Variants in NUP155 observed in about 807,000 individuals in gnomAD.
NUP155 encodes the protein nuclear pore complex protein Nup155.
NUP155 carries 71 observed loss-of-function variants against 180.4 expected under a neutral mutation model. The ratio of observed to expected loss-of-function variants is 0.39; its 90% CI spans 0.33 to 0.48. The LOEUF (loss-of-function observed/expected upper bound fraction) is 0.48. NUP155 is among the 20% of genes least tolerant of loss of function. The pLI, the probability that NUP155 is intolerant of heterozygous loss-of-function variation, is 0.91. For missense variants in NUP155, 1,553 were observed against 1,648.9 expected (o/e 0.94, Z 1.01); for synonymous variants, 582 against 559.5 (o/e 1.04, Z -0.57).
chr5:37,339,759 TTTTTTG>T (rs1554129942), intron 11 of NUP155, among the ~76,000 whole-genome samples: 39 of 152,250 alleles, frequency 2.6e-4, no homozygotes, highest in Non-Finnish European at 4.3e-4. Flanking sequence ...TTTTTGTGTG[TTTTTTG>T]TTTTTGTTTT....
intron 21 of NUP155, among the ~76,000 whole-genome samples, chr5:37,317,499 A>G (rs1743968379): frequency 6.6e-6 from 1 of 152,094 alleles, no homozygotes; most frequent in Non-Finnish European, 1.5e-5. Context: ...AGAAACATAA[A>G]CAAATAAAAA....
chr5:37,327,706 C>T lies in NUP155; in HGVS notation c.1947G>A (p.Met649Ile). 6.2e-7 allele frequency: 1 copy of T among 1,614,118 alleles called. No homozygotes were observed. Among genetic ancestry groups the T allele is most frequent in the Non-Finnish European group, 8.5e-7 (1 of 1,180,002 alleles). The change falls in exon 18 of 35, where the codon ATG becomes ATA. Residue 649 changes from methionine to isoleucine, a missense_variant. Transcript: ENST00000231498. ...CAATCTCTGGTCCAGTCACACAACT[C>T]ATATTTGTGGCCTGAGTTGCTGGGT... ...LGNPATQATN[M>I]SCVTGPEIVY...
intron 30 of NUP155, among the ~76,000 whole-genome samples, chr5:37,300,462 G>C (rs976534462): frequency 6.6e-6 from 1 of 151,584 alleles, no homozygotes; most frequent in East Asian, 2.0e-4. Flanking sequence ...ATAAACAATG[G>C]GTTGAAGAAT....
intron 1 of NUP155, among the ~76,000 whole-genome samples, chr5:37,365,469 A>T (rs1169119849): frequency 6.6e-6 from 1 of 151,706 alleles, no homozygotes; most frequent in Admixed American, 6.6e-5. Context: ...GCACTTTGGG[A>T]GGCAGAGGCA....
chr5:37,346,692 G>C (rs1401825211), intron 9 of NUP155, among the ~76,000 whole-genome samples: 2 of 151,860 alleles, frequency 1.3e-5, no homozygotes, highest in East Asian at 1.9e-4. Flanking sequence ...AAAAAAGAGA[G>C]AGAGAGCGTT....
At chr5:37,305,690 C>T (rs1488308873) in intron 25 of NUP155, among the ~76,000 whole-genome samples, 1 of 151,510 alleles carries the variant, frequency 6.6e-6, no homozygotes, top group Non-Finnish European at 1.5e-5. Flanking sequence ...AAAAAACAAA[C>T]GAACAAAAAA....
chr5:37,363,778 G>A, intron 3 of NUP155, 110 bp downstream of exon 3: 1 of 753,616 alleles, frequency 1.3e-6, no homozygotes, highest in South Asian at 1.4e-5. Context: ...CTGACCCAAA[G>A]GCTAGATGAA....
chr5:37,309,063 T>G, intron 24 of NUP155, 66 bp downstream of exon 24: 1 of 1,540,922 alleles, frequency 6.5e-7, no homozygotes, highest in Non-Finnish European at 8.9e-7. Context: ...TTAGCTTGCT[T>G]CATTCATACA....
intron 12 of NUP155, among the ~76,000 whole-genome samples, chr5:37,336,985 C>G (rs2150972309): frequency 6.6e-6 from 1 of 152,272 alleles, no homozygotes; most frequent in South Asian, 2.1e-4. Flanking sequence ...CATTCACACC[C>G]CACTAGGGGC....
rs1440820684 is a variant in NUP155, at chr5:37,352,847, CAG to C, written c.464-20_464-19del. On this transcript the variant is annotated intron_variant, in intron 4 of 34. Transcript: ENST00000231498. ...AAAGATGCCTAAGATAAAGTAGACA[CAG>C]GGCAGGAATACTTTCAGCATTTAAG... 6.4e-7 allele frequency: 1 copy of C among 1,563,734 alleles called. No homozygotes were observed. Among genetic ancestry groups the C allele is most frequent in the Admixed American group, 1.7e-5 (1 of 59,874 alleles).
intron 20 of NUP155, among the ~76,000 whole-genome samples, chr5:37,318,696 T>C (rs1744060761): frequency 6.6e-6 from 1 of 152,116 alleles, no homozygotes; most frequent in South Asian, 2.1e-4. Context: ...GGATATTCAA[T>C]GTGTATCACA....
intron 33 of NUP155, among the ~76,000 whole-genome samples, chr5:37,293,483 T>C (rs1742341381): frequency 6.6e-6 from 1 of 152,216 alleles, no homozygotes; most frequent in African/African-American, 2.4e-5. Context: ...AGTTACCTGC[T>C]CATTTCCATC....
At chr5:37,360,777 TA>T (rs376022953) in intron 3 of NUP155, among the ~76,000 whole-genome samples, 6,731 of 102,010 alleles carry the variant, frequency 0.066, 180 homozygotes, top group South Asian at 0.11. Context: ...CGGAATGAGA[TA>T]AAAAAAAAGG....
chr5:37,323,021 G>A (rs532162713), intron 20 of NUP155, among the ~76,000 whole-genome samples: 3 of 151,612 alleles, frequency 2.0e-5, no homozygotes, highest in Non-Finnish European at 4.4e-5. Context: ...GGTGGCTCAC[G>A]CCTGTAATCC....
At chr5:37,344,474 T>C (rs2150979876) in intron 9 of NUP155, among the ~76,000 whole-genome samples, 1 of 150,726 alleles carries the variant, frequency 6.6e-6, no homozygotes, top group South Asian at 2.1e-4. Context: ...TATCCTGCCC[T>C]TCCTTCCAAA....
intron 8 of NUP155, 67 bp downstream of exon 8, chr5:37,349,105 G>C (rs550392853): frequency 2.5e-6 from 1 of 403,338 alleles, no homozygotes; most frequent in East Asian, 4.6e-5. Context: ...TTTAAGAGGT[G>C]GGAATTGTCT....
intron 6 of NUP155, 117 bp from the exon 7 acceptor site, chr5:37,350,382 C>G (rs1450882508): frequency 2.9e-6 from 2 of 692,490 alleles, no homozygotes; most frequent in Non-Finnish European, 5.1e-6. Flanking sequence ...GTTATAATCA[C>G]TAATACCAGT....
Position 37,324,103 on chromosome 5 carries a change from T to G in NUP155, c.2096A>C (p.Glu699Ala). 1 of 1,603,718 alleles carries G rather than the reference T, an allele frequency of 6.2e-7. No homozygotes were observed. Among genetic ancestry groups the G allele is most frequent in the East Asian group, 2.2e-5 (1 of 44,768 alleles). Residue 699 changes from glutamate to alanine, a missense_variant, in exon 20 of 35, where the codon GAA becomes GCA. Glu to Ala is a moderately radical substitution (Grantham distance 107). Transcript: ENST00000231498. ...KSGNREITAIESSVPCQLLES... is the reference protein window; with the variant it reads ...KSGNREITAIASSVPCQLLES... ...TAGCAGTTGGCAGGGAACACTACTTTCAATCTGTAAAAATGAAAGATTTTT... is the reference window on the plus strand; with the variant it reads ...TAGCAGTTGGCAGGGAACACTACTTGCAATCTGTAAAAATGAAAGATTTTT...
intron 18 of NUP155, 90 bp downstream of exon 18, chr5:37,327,538 TA>T (rs1744680545): frequency 7.0e-7 from 1 of 1,434,642 alleles, no homozygotes; most frequent in African/African-American, 1.4e-5. Context: ...TTAATAGGAA[TA>T]AATGATGTCC....
Sources: gnomAD v4.1 joint callset for allele counts (sites outside exome capture counted in the v4.1 genomes callset) on GRCh38, gnomAD v4.1.1 for gene constraint, MANE v1.5 for transcripts, NCBI Gene and HGNC (gene_info 2026-07-23, HGNC 2026-07-21) for gene names.